The following P4HA2 variants were observed in gnomAD, a reference collection of about 807,000 sequenced individuals.
The protein encoded by P4HA2 is prolyl 4-hydroxylase subunit alpha-2.
Under a neutral mutation model 76.9 loss-of-function variants are expected in P4HA2, and 46 were observed. The observed-to-expected ratio is 0.60, with a 90% CI of 0.47 to 0.76. The LOEUF is 0.76. Among genes scored for constraint, P4HA2 ranks in the 30% least tolerant of loss-of-function variants. The pLI is 0.00. For missense variants in P4HA2, 583 were observed against 669.4 expected, an observed-to-expected ratio of 0.87 and a Z score of 1.42; for synonymous variants, 243 against 254.0, an observed-to-expected ratio of 0.96 and a Z score of 0.41.
chr5:132,208,029 G>A, intron 7 of P4HA2, 145 bp from the exon 8 acceptor site: 2 of 619,068 alleles, frequency 3.2e-6, no homozygotes. Flanking sequence ...AGTCCCAGCA[G>A]GTGGGCATGC....
At chr5:132,207,231 T>C (rs1185846750) in intron 8 of P4HA2, among the ~76,000 whole-genome samples, 7 of 152,124 alleles carry the variant, frequency 4.6e-5, no homozygotes, top group Non-Finnish European at 7.4e-5. Context: ...GTTCAAGGCT[T>C]ATATGAAGAA....
Position 132,209,121 on chromosome 5 carries a change from C to T in P4HA2, c.903+17G>A, listed in dbSNP as rs1752660617. On this transcript the variant is annotated intron_variant, in intron 7 of 14. Transcript: ENST00000360568. Reference sequence around the variant, plus strand: ...AGGTCCACAGCTTTGGCACCCTAGCCCCCTCACACATCTCACCAGTTTGAC... The same window carrying T: ...AGGTCCACAGCTTTGGCACCCTAGCTCCCTCACACATCTCACCAGTTTGAC... The T allele has an allele frequency of 6.3e-7, 1 of 1,596,378 alleles. No homozygotes were observed. Among genetic ancestry groups the T allele is most frequent in the Admixed American group, 1.7e-5 (1 of 58,882 alleles).
chr5:132,219,539 C>T (rs779386525), intron 1 of P4HA2, among the ~76,000 whole-genome samples: 17 of 152,100 alleles, frequency 1.1e-4, no homozygotes, highest in Non-Finnish European at 1.8e-4. Flanking sequence ...CAGAAGCCTC[C>T]GATACCGTCT....
chr5:132,214,163 G>A (rs866009613), intron 4 of P4HA2, 110 bp from the exon 5 acceptor site: 9 of 1,067,924 alleles, frequency 8.4e-6, no homozygotes, highest in Middle Eastern at 2.6e-4. Flanking sequence ...AAATTTCCCC[G>A]CCCCCTCCCT....
In P4HA2 at chr5:132,196,235, C is replaced by T. The variant is rs148461494; in HGVS notation, c.1366-755G>A. Among the ~76,000 whole-genome samples the T allele has an allele frequency of 1.9e-4, 29 of 152,234 alleles. No homozygotes were observed. The East Asian group carries it at 5.4e-3, about 28-fold the overall frequency. On this transcript the variant is annotated intron_variant, in intron 12 of 14. Coordinates refer to ENST00000360568, the MANE Select transcript of P4HA2 (RefSeq NM_001017974.2). ...ACCAGACTCACTGAAGGGTACTTGACAGACATATGGTAAATGAATAAGACA... is the reference window on the plus strand; with the variant it reads ...ACCAGACTCACTGAAGGGTACTTGATAGACATATGGTAAATGAATAAGACA...
At chr5:132,220,384 T>C (rs960976008) in intron 1 of P4HA2, among the ~76,000 whole-genome samples, 3 of 152,194 alleles carry the variant, frequency 2.0e-5, no homozygotes, top group African/African-American at 4.8e-5. Context: ...AACATAGAGC[T>C]GGGAGGATGT....
At chr5:132,210,683 T>C (rs1465304627) in intron 5 of P4HA2, among the ~76,000 whole-genome samples, 160 bp from the exon 6 acceptor site, 1 of 152,064 alleles carries the variant, frequency 6.6e-6, no homozygotes, top group Admixed American at 6.5e-5. Context: ...ACTGACACAG[T>C]GAGCACAGAC....
chr5:132,215,215 G>A (rs1348973592), intron 4 of P4HA2, among the ~76,000 whole-genome samples: 1 of 152,226 alleles, frequency 6.6e-6, no homozygotes, highest in East Asian at 1.9e-4. Flanking sequence ...GGAACATGCT[G>A]CCAGGAAAAG....
chr5:132,197,980 G>GA (rs1176917143), intron 12 of P4HA2: 10 of 984,432 alleles, frequency 1.0e-5, no homozygotes, highest in Non-Finnish European at 9.6e-6. Context: ...AAACACTGGG[G>GA]AAAAAAATAG....
At chr5:132,218,024 T>C in intron 2 of P4HA2, 176 bp from the exon 3 acceptor site, 1 of 522,588 alleles carries the variant, frequency 1.9e-6, no homozygotes, top group Non-Finnish European at 3.4e-6. Flanking sequence ...TGGGGCTCTA[T>C]CTCGCAACTT....
intron 12 of P4HA2, among the ~76,000 whole-genome samples, chr5:132,197,279 C>T (rs1041777607): frequency 2.5e-4 from 38 of 152,174 alleles, no homozygotes; most frequent in African/African-American, 8.9e-4. Flanking sequence ...GGGCACCCAT[C>T]CCAAAAGTCC....
At chr5:132,194,030 T>C (rs1393954265) in intron 14 of P4HA2, among the ~76,000 whole-genome samples, 2 of 152,188 alleles carry the variant, frequency 1.3e-5, no homozygotes, top group African/African-American at 4.8e-5. Context: ...TTAACCTCAT[T>C]TTTCTAGATA....
chr5:132,210,462 G>A lies in P4HA2; in HGVS notation c.531C>T (p.Tyr177=). The change falls in exon 6 of 15, where the codon TAC becomes TAT. Residue 177 remains tyrosine, a synonymous_variant. Coordinates refer to ENST00000360568, the MANE Select transcript of P4HA2 (RefSeq NM_001017974.2). ...CCGTATGATAATAGTCCCCTTCATT[G>A]TAGGCCGAGCGGCCCATCCCAAAGC... ...DDCFGMGRSA[Y]NEGDYYHTVL... is the part of the protein sequence containing the mutation. The A allele has an allele frequency of 1.2e-6, 2 of 1,614,044 alleles. No homozygotes were observed. The highest frequency in any genetic ancestry group is 1.1e-5 in the South Asian group (1 of 91,072).
intron 5 of P4HA2, among the ~76,000 whole-genome samples, 164 bp downstream of exon 5, chr5:132,213,752 G>C (rs969961530): frequency 6.6e-6 from 1 of 152,138 alleles, no homozygotes; most frequent in Non-Finnish European, 1.5e-5. Flanking sequence ...AGGGGCTGAG[G>C]GAGAAACCTG....
At chr5:132,197,608 C>CAAAA (rs555319735) in intron 12 of P4HA2, among the ~76,000 whole-genome samples, 67 of 55,012 alleles carry the variant, frequency 1.2e-3, no homozygotes, top group African/African-American at 2.8e-3. Flanking sequence ...ACTCCATCTC[C>CAAAA]AAAAAAAAAA....
At chr5:132,200,446 C>G (rs1317940356) in intron 10 of P4HA2, 1 of 162,538 alleles carries the variant, frequency 6.2e-6, no homozygotes, top group Non-Finnish European at 1.5e-5. Flanking sequence ...AGCAGGTGGC[C>G]CTAAGGCTGG....
chr5:132,217,658 G>T (rs1328446261), intron 3 of P4HA2, 94 bp downstream of exon 3: 7 of 846,058 alleles, frequency 8.3e-6, no homozygotes, highest in Admixed American at 1.7e-5. Context: ...CCTCTCAAAG[G>T]TTTCCTCTTA....
rs776098475 is a variant in P4HA2 at position 132,213,945 on chromosome 5, G to C, written c.440C>G (p.Pro147Arg). The stretch of plus-strand genomic sequence containing the variant: ...AAGTTCCCCTCTGGAAATTGTGCCT[G>C]GGTCCAGCCTGTATGTGTCCTGAAG... ...MRLQDTYRLD[P>R]GTISRGELPG... The change falls in exon 5 of 15, where the codon CCA becomes CGA. Residue 147 changes from proline (P) to arginine (R), a missense_variant. Physicochemically the swap from Pro to Arg is moderately radical, Grantham distance 103 (BLOSUM62 -2). Transcript: ENST00000360568. 6.2e-7 allele frequency: 1 copy of C among 1,614,182 alleles called. No homozygotes were observed. The highest frequency in any genetic ancestry group is 1.1e-5 in the South Asian group (1 of 91,078).
intron 8 of P4HA2, 30 bp downstream of exon 8, chr5:132,207,678 G>T: frequency 6.3e-7 from 1 of 1,599,482 alleles, no homozygotes; most frequent in South Asian, 1.1e-5. Context: ...CCCCTTCAGT[G>T]ACCCGAGAAG....
Sources: gnomAD v4.1 joint callset for allele counts (sites outside exome capture counted in the v4.1 genomes callset) on GRCh38, gnomAD v4.1.1 for gene constraint, MANE v1.5 for transcripts, NCBI Gene and HGNC (gene_info 2026-07-23, HGNC 2026-07-21) for gene names.